The following FERMT3 variants were observed in gnomAD, a reference collection of about 807,000 sequenced individuals.
The protein encoded by FERMT3 is FERM domain containing kindlin 3.
In FERMT3, 33 loss-of-function variants were observed where a neutral mutation model predicts 80.8. The ratio of observed to expected loss-of-function variants is 0.41; its 90% CI spans 0.31 to 0.55. FERMT3 has a LOEUF of 0.55. Among genes scored for constraint, FERMT3 ranks in the 20% least tolerant of loss-of-function variants. The pLI, the probability that FERMT3 is intolerant of heterozygous loss-of-function variation, is 0.31. For synonymous variants in FERMT3, 375 were observed against 372.2 expected (o/e 1.01, Z -0.09); for missense variants, 754 against 908.7 (o/e 0.83, Z 2.19).
At position 64,221,154 on chromosome 11, in the gene FERMT3, C is replaced by T. The variant is rs1205039048; in HGVS notation, c.1670+14C>T. ...TGTCATGGTCAGGTATGGCCCCTGG[C>T]CCAGCCCCCTGCCCAGCACCGTCTC... is the stretch of plus-strand genomic sequence containing the variant. On this transcript the variant is annotated intron_variant, in intron 13 of 14. Transcript: ENST00000345728. 3 of 1,605,842 alleles carry T rather than the reference C, an allele frequency of 1.9e-6. No homozygotes were observed. The highest frequency in any genetic ancestry group is 2.2e-5 in the South Asian group (2 of 91,070).
chr11:64,207,236 C>T (rs1366311036), intron 1 of FERMT3, 115 bp from the exon 2 acceptor site: 9 of 1,262,902 alleles, frequency 7.1e-6, no homozygotes, highest in African/African-American at 1.5e-5. Context: ...CACTCCCGCC[C>T]TCCTTCATGA....
chr11:64,219,812 C>T lies in FERMT3; in HGVS notation c.1079+23C>T. On this transcript the variant is annotated intron_variant, in intron 9 of 14. Coordinates refer to ENST00000345728, the MANE Select transcript of FERMT3 (RefSeq NM_031471.6). This position sits in a 1 kb window ranked among gnomAD's most constrained non-coding sequence, Gnocchi z 4.0. Reference sequence around the variant, plus strand: ...TCGGTGAGTTGGGGGCCAGAGTAGGCAGCCCTGCTGGAGGGGTTGGTCTGC... The same window carrying T: ...TCGGTGAGTTGGGGGCCAGAGTAGGTAGCCCTGCTGGAGGGGTTGGTCTGC... The T allele has an allele frequency of 6.2e-7, 1 of 1,614,036 alleles. No individual in the cohort carries two copies. Among genetic ancestry groups the T allele is most frequent in the Non-Finnish European group, 8.5e-7 (1 of 1,180,028 alleles).
chr11:64,222,455 C>T lies in FERMT3; in HGVS notation c.1671-593C>T, dbSNP rs188041353. On this transcript the variant is annotated intron_variant, in intron 13 of 14. Transcript: ENST00000345728. ...TGGCACGTACCTGTAATCCCATGTA[C>T]TCGGGAGGCTGAGACAGGAGAATCA... 1.5e-3 allele frequency among the ~76,000 whole-genome samples: 217 copies of T among 149,442 alleles called. 1 individual carries two copies. The South Asian group carries it at 0.025, about 17-fold the overall frequency.
chr11:64,222,283 A>G (rs1565298125), intron 13 of FERMT3, among the ~76,000 whole-genome samples: 2 of 133,822 alleles, frequency 1.5e-5, no homozygotes, highest in East Asian at 2.3e-4. Flanking sequence ...AAATAAATAA[A>G]AGAGCCTGCG....
chr11:64,207,345 C>A lies in FERMT3; in HGVS notation c.-14-6C>A. ...CCCACCTTGCCTCCTTCCACACTCT[C>A]TGTAGCAGCAGCCGCAGCCATGGCG... On this transcript the variant is annotated splice_region_variant and splice_polypyrimidine_tract_variant and intron_variant, in intron 1 of 14. Coordinates refer to ENST00000345728, the MANE Select transcript of FERMT3 (RefSeq NM_031471.6). The A allele has an allele frequency of 6.2e-7, 1 of 1,614,082 alleles. No homozygotes were observed. The highest frequency in any genetic ancestry group is 1.1e-5 in the South Asian group (1 of 91,082).
In FERMT3 at chr11:64,213,553, T is replaced by TA. The variant is rs1334454861; in HGVS notation, c.786+1808dup. ...TAGGAGCGAGCCACTGCGCCTGGCC[T>TA]AATTTTTTTTTTTTTTTTTTTGAGA... On this transcript the variant is annotated intron_variant, in intron 6 of 14. Transcript: ENST00000345728. Among the ~76,000 whole-genome samples the TA allele has an allele frequency of 2.7e-4, 28 of 102,994 alleles. No individual in the cohort carries two copies. In the East Asian group the frequency reaches 0.01, roughly 37 times the overall value. 67.6% of individuals were successfully genotyped at this position (102,994 alleles called of 152,430 possible).
rs537670548 is a variant in FERMT3 at position 64,221,203 on chromosome 11, C to T, written c.1670+63C>T. 7.6e-3 allele frequency: 11,652 copies of T among 1,534,526 alleles called. 77 individuals are homozygous for T. The highest frequency in any genetic ancestry group is 8.2e-3 in the Non-Finnish European group (9,228 of 1,121,454). ...TCTGCCCTCACCTGCCACCCGGCTG[C>T]TGTGTGCCCACATCCCAAGAGTAGG... On this transcript the variant is annotated intron_variant, in intron 13 of 14. Transcript: ENST00000345728.
Position 64,221,149 on chromosome 11 carries a change from C to T in FERMT3, c.1670+9C>T, listed in dbSNP as rs750785618. On this transcript the variant is annotated intron_variant, in intron 13 of 14. Transcript: ENST00000345728. The stretch of plus-strand genomic sequence containing the variant: ...TCCTATGTCATGGTCAGGTATGGCC[C>T]CTGGCCCAGCCCCCTGCCCAGCACC... 1 of 1,606,610 alleles carries T rather than the reference C, an allele frequency of 6.2e-7. No individual in the cohort carries two copies. The highest frequency in any genetic ancestry group is 1.1e-5 in the South Asian group (1 of 91,070).
intron 13 of FERMT3, among the ~76,000 whole-genome samples, chr11:64,222,585 AGAG>A (rs1303557364): frequency 5.4e-5 from 8 of 147,994 alleles, no homozygotes; most frequent in East Asian, 2.0e-4. Context: ...AAAAAAAAAA[AGAG>A]ATTTCAGGTC....
At position 64,223,380 on chromosome 11, in the gene FERMT3, T is replaced by C; in HGVS notation, c.1880T>C (p.Val627Ala). Residue 627 changes from valine (V) to alanine (A), a missense_variant, in exon 15 of 15, where the codon GTA becomes GCA. Val to Ala is a moderately conservative substitution (Grantham distance 64). Coordinates refer to ENST00000345728, the MANE Select transcript of FERMT3 (RefSeq NM_031471.6). ...TGCGTGTCTGCCAGCTGCCGAATTG[T>C]ACACGAGTATATCGGGGGCTACATT... The part of the protein sequence containing the change: ...FSCVSASCRI[V>A]HEYIGGYIFL... 6.2e-7 allele frequency: 1 copy of C among 1,614,042 alleles called. No homozygotes were observed. The highest frequency in any genetic ancestry group is 1.1e-5 in the South Asian group (1 of 91,090).
At chr11:64,213,734 T>C (rs1946492237) in intron 6 of FERMT3, among the ~76,000 whole-genome samples, 1 of 148,198 alleles carries the variant, frequency 6.7e-6, no homozygotes, top group Non-Finnish European at 1.5e-5. Context: ...AATTTTGTAT[T>C]TTTAGTAGAG....
At chr11:64,208,220 G>T (rs1946358239) in intron 2 of FERMT3, among the ~76,000 whole-genome samples, 1 of 152,232 alleles carries the variant, frequency 6.6e-6, no homozygotes, top group Admixed American at 6.5e-5. Context: ...ACAGGAGGAG[G>T]TCAGTCCGAC....
chr11:64,221,695 G>A (rs1259996193), intron 13 of FERMT3, among the ~76,000 whole-genome samples: 4 of 151,392 alleles, frequency 2.6e-5, no homozygotes, highest in East Asian at 1.9e-4. Flanking sequence ...TTGGGAGGCC[G>A]AGGCGGGCAG....
Position 64,211,523 on chromosome 11 carries a change from C to A in FERMT3, c.683+80C>A. ...CCCTGTCCCGTGTCTGTGCCCACCCCAGATCCACACTTCGTTTCCAGGCCT... is the reference window on the plus strand; with the variant it reads ...CCCTGTCCCGTGTCTGTGCCCACCCAAGATCCACACTTCGTTTCCAGGCCT... On this transcript the variant is annotated intron_variant, in intron 5 of 14. Transcript: ENST00000345728. This position sits in a 1 kb window ranked among gnomAD's most constrained non-coding sequence, Gnocchi z 4.7. 6.7e-7 allele frequency: 1 copy of A among 1,492,712 alleles called. No individual in the cohort carries two copies. Among genetic ancestry groups the A allele is most frequent in the African/African-American group, 1.5e-5 (1 of 66,660 alleles). 92.5% of individuals were successfully genotyped at this position (1,492,712 alleles called of 1,614,324 possible). A position where few individuals can be genotyped will look rare whatever the true frequency, so the allele number is the denominator to read the frequency against.
In FERMT3 at chr11:64,219,927, C is replaced by G. The variant is rs1285471824; in HGVS notation, c.1116C>G (p.His372Gln). The G allele has an allele frequency of 6.2e-7, 1 of 1,613,860 alleles. No individual in the cohort carries two copies. The highest frequency in any genetic ancestry group is 8.5e-7 in the Non-Finnish European group (1 of 1,180,022). Reference protein sequence around the residue: ...RKLTLKGYRQHWVVFKETTLS... With the variant: ...RKLTLKGYRQQWVVFKETTLS... ...TGACCCTGAAGGGCTACCGCCAACA[C>G]TGGGTGGTGTTCAAGGAGACCACAC... The change falls in exon 10 of 15, where the codon CAC (histidine) becomes CAG (glutamine). Residue 372 changes from histidine to glutamine, a missense_variant. His to Gln is a conservative substitution (Grantham distance 24, BLOSUM62 0). Transcript: ENST00000345728. The surrounding 1 kb of genome is among the most constrained non-coding windows in gnomAD (Gnocchi z 4.0).
chr11:64,206,210 T>C (rs1198603447), upstream of FERMT3, among the ~76,000 whole-genome samples: 1 of 152,202 alleles, frequency 6.6e-6, no homozygotes, highest in Non-Finnish European at 1.5e-5. Context: ...TTCATGAGTT[T>C]GAAGGTAGCC....
At chr11:64,213,772 G>C (rs1946493057) in intron 6 of FERMT3, among the ~76,000 whole-genome samples, 1 of 151,652 alleles carries the variant, frequency 6.6e-6, no homozygotes, top group African/African-American at 2.4e-5. Flanking sequence ...ATGTTGGTCA[G>C]ACTGGTCTCG....
Position 64,219,291 on chromosome 11 carries a change from G to T in FERMT3, c.827G>T (p.Arg276Leu), listed in dbSNP as rs777040462. 1 of 1,608,570 alleles carries T rather than the reference G, an allele frequency of 6.2e-7. No homozygotes were observed. The highest frequency in any genetic ancestry group is 8.5e-7 in the Non-Finnish European group (1 of 1,177,768). Residue 276 changes from arginine to leucine, a missense_variant, in exon 7 of 15, where the codon CGG becomes CTG. Arg to Leu is a moderately radical substitution (Grantham distance 102). Transcript: ENST00000345728. The surrounding 1 kb of genome is among the most constrained non-coding windows in gnomAD (Gnocchi z 4.0). ...VRLTQLYEQA[R>L]WDLLLEEIDC... The stretch of plus-strand genomic sequence containing the variant: ...CTGACACAGCTGTATGAGCAGGCCC[G>T]GTGGGACCTGCTGCTGGAGGAGATT...
intron 13 of FERMT3, 71 bp downstream of exon 13, chr11:64,221,211 C>T: frequency 1.3e-6 from 2 of 1,506,712 alleles, no homozygotes; most frequent in Non-Finnish European, 9.1e-7. Flanking sequence ...TGCTGTGTGC[C>T]CACATCCCAA....
Sources: gnomAD v4.1 joint callset for allele counts (sites outside exome capture counted in the v4.1 genomes callset) on GRCh38, gnomAD v4.1.1 for gene constraint, Gnocchi (gnomAD v3.1) non-coding constraint, MANE v1.5 for transcripts, NCBI Gene and HGNC (gene_info 2026-07-23, HGNC 2026-07-21) for gene names.